The following DNAJC28 variants were observed in gnomAD, a reference collection of about 807,000 sequenced individuals.
DNAJC28 encodes the protein DnaJ heat shock protein family (Hsp40) member C28, also known as dnaJ homolog subfamily C member 28.
A neutral mutation model predicts 33.3 loss-of-function variants in DNAJC28; 24 were observed. The ratio of observed to expected loss-of-function variants is 0.72; its 90% CI spans 0.52 to 1.01. The LOEUF (loss-of-function observed/expected upper bound fraction) is 1.01. DNAJC28 is among the 50% of genes least tolerant of loss of function. DNAJC28 has a pLI of 0.00. For synonymous variants in DNAJC28, 120 were observed against 147.2 expected, an observed-to-expected ratio of 0.82 and a Z score of 1.34; for missense variants, 442 against 455.2, an observed-to-expected ratio of 0.97 and a Z score of 0.26.
At position 33,489,305 on chromosome 21, in the gene DNAJC28, G is replaced by A. The variant is rs756781105; in HGVS notation, c.89C>T (p.Pro30Leu). 4 of 1,592,768 alleles carry A rather than the reference G, an allele frequency of 2.5e-6. No homozygotes were observed. The Admixed American group carries it at 5.5e-5, about 22-fold the overall frequency. ...TVIPNRVKML[P>L]YFGIIRNRMM... ...TCTATTTCTAATGATACCAAAATAT[G>A]GAAGCATTTTCACTCGATTAGGAAT... Residue 30 changes from proline to leucine, a missense_variant, in exon 2 of 2, where the codon CCA (proline) becomes CTA (leucine). Pro to Leu is a moderately conservative substitution (Grantham distance 98, BLOSUM62 -3). Transcript: ENST00000381947.
chr21:33,490,116 TTTTC>T (rs1223932121), intron 1 of DNAJC28, among the ~76,000 whole-genome samples: 4 of 149,034 alleles, frequency 2.7e-5, no homozygotes, highest in Admixed American at 6.7e-5. Flanking sequence ...TTTTCTTTTC[TTTTC>T]TTTTTTTTTT....
chr21:33,489,211 T>G lies in DNAJC28; in HGVS notation c.183A>C (p.Gly61=), dbSNP rs2084497371. 1 of 1,607,286 alleles carries G rather than the reference T, an allele frequency of 6.2e-7. No individual in the cohort carries two copies. The highest frequency in any genetic ancestry group is 1.7e-5 in the Admixed American group (1 of 58,234). The part of the protein sequence containing the change: ...EYYRLLNVEE[G]CSADEVRESF... The stretch of plus-strand genomic sequence containing the variant: ...ATTCCCTGACTTCATCTGCAGAGCA[T>G]CCTTCCTCCACGTTCAGCAGTCTAT... Residue 61 remains glycine (G), a synonymous_variant, in exon 2 of 2, where the codon GGA becomes GGC. Transcript: ENST00000381947.
chr21:33,490,484 T>C (rs1369454240), intron 1 of DNAJC28, among the ~76,000 whole-genome samples: 1 of 151,472 alleles, frequency 6.6e-6, no homozygotes, highest in Non-Finnish European at 1.5e-5. Context: ...AGTGTTAACA[T>C]ATTGTGGGGC....
At position 33,489,354 on chromosome 21, in the gene DNAJC28, A is replaced by C. The variant is rs144175665; in HGVS notation, c.40T>G (p.Ser14Ala). ...ATCACTGTAGCCTTTATCAGGTGAG[A>C]TCTTAAGATCTGAGCCATCATCACA... ...MYVMMAQILR[S>A]HLIKATVIPN... Residue 14 changes from serine (S) to alanine (A), a missense_variant, in exon 2 of 2, where the codon TCT becomes GCT. Transcript: ENST00000381947. 20 of 1,542,680 alleles carry C rather than the reference A, an allele frequency of 1.3e-5. No individual in the cohort carries two copies. In the African/African-American group the frequency reaches 2.6e-4, roughly 20 times the overall value.
Position 33,488,610 on chromosome 21 carries a change from C to T in DNAJC28, c.784G>A (p.Glu262Lys). The T allele has an allele frequency of 6.2e-7, 1 of 1,613,928 alleles. No homozygotes were observed. The highest frequency in any genetic ancestry group is 8.5e-7 in the Non-Finnish European group (1 of 1,179,978). ...YQPEWILKQK[E>K]ISDTIEQLRE... ...AGTTGCTCAATAGTATCGCTTATTT[C>T]CTTTTGCTTAAGGATCCATTCTGGT... The change falls in exon 2 of 2, where the codon GAA (glutamate) becomes AAA (lysine). Residue 262 changes from glutamate to lysine, a missense_variant. Coordinates refer to ENST00000381947, the MANE Select transcript of DNAJC28 (RefSeq NM_001040192.3).
rs1203064838 is a variant in DNAJC28, at chr21:33,488,074, C to A, written c.*153G>T. On this transcript the variant is annotated 3_prime_UTR_variant, in exon 2 of 2. Coordinates refer to ENST00000381947, the MANE Select transcript of DNAJC28 (RefSeq NM_001040192.3). ...TTTCTTGCTATATCCTCAGGACAAA[C>A]CTGATAGGTTTCTCACTCACACATC... The A allele has an allele frequency of 9.6e-6, 6 of 622,662 alleles. No individual in the cohort carries two copies. Among genetic ancestry groups the A allele is most frequent in the East Asian group, 9.6e-5 (3 of 31,140 alleles). 38.6% of individuals were successfully genotyped at this position (622,662 alleles called of 1,614,324 possible). A position where few individuals can be genotyped will look rare whatever the true frequency, so the allele number is the denominator to read the frequency against.
chr21:33,488,761 G>A lies in DNAJC28; in HGVS notation c.633C>T (p.Ser211=), dbSNP rs2084488705. ...ERLVEDLIQE[S]MAKGDFDNLS... ...GATTGTCAAAGTCTCCTTTTGCCAT[G>A]GATTCTTGAATGAGGTCCTCCACTA... The change falls in exon 2 of 2, where the codon TCC becomes TCT. Residue 211 remains serine (S), a synonymous_variant. Transcript: ENST00000381947. The A allele has an allele frequency of 1.2e-6, 2 of 1,613,106 alleles. No homozygotes were observed. The highest frequency in any genetic ancestry group is 2.2e-5 in the East Asian group (1 of 44,866).
At chr21:33,489,847 G>A (rs561361488) in intron 1 of DNAJC28, among the ~76,000 whole-genome samples, 3 of 144,184 alleles carry the variant, frequency 2.1e-5, no homozygotes, top group Admixed American at 7.3e-5. Context: ...ATGCTGGAGT[G>A]CAGTGGCACA....
chr21:33,489,567 C>CTT (rs769632462), intron 1 of DNAJC28, 143 bp from the exon 2 acceptor site: 750 of 357,942 alleles, frequency 2.1e-3, no homozygotes, highest in Middle Eastern at 3.7e-3. Context: ...CAACTTTTTC[C>CTT]TTTTTTTTTT....
rs2084495874 is a variant in DNAJC28, at chr21:33,489,120, A to G, written c.274T>C (p.Phe92Leu). ...CTATAAGCTTTTTCAATCCTTATAAATGTTGCAGAATCAGCAGTATTAGAG... is the reference window on the plus strand; with the variant it reads ...CTATAAGCTTTTTCAATCCTTATAAGTGTTGCAGAATCAGCAGTATTAGAG... ...SGSNTADSAT[F>L]IRIEKAYRKV... Residue 92 changes from phenylalanine to leucine, a missense_variant, in exon 2 of 2, where the codon TTT becomes CTT. Coordinates refer to ENST00000381947, the MANE Select transcript of DNAJC28 (RefSeq NM_001040192.3). The G allele has an allele frequency of 6.2e-7, 1 of 1,613,958 alleles. No individual in the cohort carries two copies. The highest frequency in any genetic ancestry group is 1.3e-5 in the African/African-American group (1 of 75,022).
Position 33,489,150 on chromosome 21 carries a change from T to G in DNAJC28, c.244A>C (p.Ser82Arg). The G allele has an allele frequency of 6.2e-7, 1 of 1,612,900 alleles. No individual in the cohort carries two copies. The highest frequency in any genetic ancestry group is 2.2e-5 in the East Asian group (1 of 44,878). The change falls in exon 2 of 2, where the codon AGT (serine) becomes CGT (arginine). Residue 82 changes from serine to arginine, a missense_variant. Transcript: ENST00000381947. ...GCAGAATCAGCAGTATTAGAGCCAC[T>G]GTCAGGATGATATTGCTTGGCAAGC... is the stretch of plus-strand genomic sequence containing the variant. ...HKLAKQYHPD[S>R]GSNTADSATF...
chr21:33,488,349 C>T lies in DNAJC28; in HGVS notation c.1045G>A (p.Glu349Lys). The T allele has an allele frequency of 1.3e-6, 2 of 1,585,774 alleles. No homozygotes were observed. The highest frequency in any genetic ancestry group is 2.4e-5 in the South Asian group (2 of 84,650). ...KIYETLIKTK[E>K]VTDRNPNNLD... Reference sequence around the variant, plus strand: ...TTATTTGGGTTTCTATCTGTGACTTCTTTTGTTTTTATAAGGGTCTCGTAT... The same window carrying T: ...TTATTTGGGTTTCTATCTGTGACTTTTTTTGTTTTTATAAGGGTCTCGTAT... Residue 349 changes from glutamate (E) to lysine (K), a missense_variant, in exon 2 of 2, where the codon GAA becomes AAA. Physicochemically the swap from Glu to Lys is moderately conservative, Grantham distance 56. Coordinates refer to ENST00000381947, the MANE Select transcript of DNAJC28 (RefSeq NM_001040192.3).
At chr21:33,491,304 C>G (rs1350051245) in intron 1 of DNAJC28, 1 of 152,284 alleles carries the variant, frequency 6.6e-6, no homozygotes, top group Non-Finnish European at 1.5e-5. Flanking sequence ...AACGCTAAAA[C>G]GGAGCTCCTG....
At position 33,489,128 on chromosome 21, in the gene DNAJC28, G is replaced by C. The variant is rs767409884; in HGVS notation, c.266C>G (p.Ser89Cys). ...HPDSGSNTAD[S>C]ATFIRIEKAY... is the part of the protein sequence containing the mutation. ...TTTTTCAATCCTTATAAATGTTGCA[G>C]AATCAGCAGTATTAGAGCCACTGTC... The change falls in exon 2 of 2, where the codon TCT (serine) becomes TGT (cysteine). Residue 89 changes from serine to cysteine, a missense_variant. Coordinates refer to ENST00000381947, the MANE Select transcript of DNAJC28 (RefSeq NM_001040192.3). 2.7e-5 allele frequency: 44 copies of C among 1,613,752 alleles called. No homozygotes were observed. The East Asian group carries it at 6.7e-4, about 25-fold the overall frequency.
Position 33,488,422 on chromosome 21 carries a change from T to G in DNAJC28, c.972A>C (p.Gln324His). The G allele has an allele frequency of 6.3e-7, 1 of 1,593,128 alleles. No individual in the cohort carries two copies. Among genetic ancestry groups the G allele is most frequent in the Non-Finnish European group, 8.5e-7 (1 of 1,173,590 alleles). The change falls in exon 2 of 2, where the codon CAA becomes CAC. Residue 324 changes from glutamine (Q) to histidine (H), a missense_variant. Physicochemically the swap from Gln to His is conservative, Grantham distance 24 (BLOSUM62 0). Transcript: ENST00000381947. ...CTTTCTGAGCATCAAAATGGACTTT[T>G]TGCCTGGTCAGGATGGGAACAATTA... ...FNLIVPILTR[Q>H]KVHFDAQKEI...
At chr21:33,489,870 T>G (rs1488343555) in intron 1 of DNAJC28, among the ~76,000 whole-genome samples, 1 of 148,094 alleles carries the variant, frequency 6.8e-6, no homozygotes, top group Non-Finnish European at 1.5e-5. Flanking sequence ...CGTGGCTCAC[T>G]GCAGCATCAA....
rs2084480219 is a variant in DNAJC28 at position 33,488,330 on chromosome 21, G to C, written c.1064C>G (p.Pro355Arg). The change falls in exon 2 of 2, where the codon CCA (proline) becomes CGA (arginine). Residue 355 changes from proline to arginine, a missense_variant. Physicochemically the swap from Pro to Arg is moderately radical, Grantham distance 103. Transcript: ENST00000381947. ...IKTKEVTDRN[P>R]NNLDQGEGEK... is the part of the protein sequence containing the mutation. The stretch of plus-strand genomic sequence containing the variant: ...TCCTTCTCCTTGATCAAGGTTATTT[G>C]GGTTTCTATCTGTGACTTCTTTTGT... 1.9e-6 allele frequency: 3 copies of C among 1,580,806 alleles called. No individual in the cohort carries two copies. Among genetic ancestry groups the C allele is most frequent in the Non-Finnish European group, 2.6e-6 (3 of 1,171,248 alleles).
At chr21:33,491,116 T>C (rs991560866) in intron 1 of DNAJC28, 2 of 152,124 alleles carry the variant, frequency 1.3e-5, no homozygotes, top group African/African-American at 4.8e-5. Flanking sequence ...GACTTTAAGC[T>C]CCACAGCTCG....
rs1385649831 is a variant in DNAJC28 at position 33,489,291 on chromosome 21, T to G, written c.103A>C (p.Ile35Leu). The change falls in exon 2 of 2, where the codon ATT (isoleucine) becomes CTT (leucine). Residue 35 changes from isoleucine (I) to leucine (L), a missense_variant. Coordinates refer to ENST00000381947, the MANE Select transcript of DNAJC28 (RefSeq NM_001040192.3). ...RVKMLPYFGIIRNRMMSTHKS... is the reference protein window; with the variant it reads ...RVKMLPYFGILRNRMMSTHKS... The stretch of plus-strand genomic sequence containing the variant: ...TGGGTTGACATCATTCTATTTCTAA[T>G]GATACCAAAATATGGAAGCATTTTC... 6.3e-7 allele frequency: 1 copy of G among 1,599,956 alleles called. No homozygotes were observed.
Sources: gnomAD v4.1 joint callset for allele counts (sites outside exome capture counted in the v4.1 genomes callset) on GRCh38, gnomAD v4.1.1 for gene constraint, MANE v1.5 for transcripts, NCBI Gene and HGNC (gene_info 2026-07-23, HGNC 2026-07-21) for gene names.